NFATC3: variants seen among roughly 807,000 people sequenced by gnomAD.
NFATC3 encodes the protein nuclear factor of activated T-cells, cytoplasmic 3.
NFATC3 carries 46 observed loss-of-function variants against 98.6 expected under a neutral mutation model. That is an observed-to-expected ratio of 0.47 (90% confidence interval 0.37 to 0.60). The LOEUF is 0.60. Among genes scored for constraint, NFATC3 ranks in the 20% least tolerant of loss-of-function variants. The pLI is 0.00. For missense variants in NFATC3, 1,256 were observed against 1,295.5 expected (o/e 0.97, Z 0.47); for synonymous variants, 512 against 472.2 (o/e 1.08, Z -1.09).
intron 3 of NFATC3, among the ~76,000 whole-genome samples, chr16:68,139,409 G>A (rs1219617251): frequency 6.6e-6 from 1 of 152,186 alleles, no homozygotes; most frequent in Non-Finnish European, 1.5e-5. Flanking sequence ...CTGATGAAGA[G>A]TATGTAGCAG....
intron 9 of NFATC3, among the ~76,000 whole-genome samples, chr16:68,195,525 C>A (rs2040627050): frequency 6.6e-6 from 1 of 151,772 alleles, no homozygotes; most frequent in Non-Finnish European, 1.5e-5. Flanking sequence ...AAAAAATGGA[C>A]AGGCTGGGCG....
At chr16:68,096,539 A>G (rs554866978) in intron 1 of NFATC3, among the ~76,000 whole-genome samples, 1 of 152,366 alleles carries the variant, frequency 6.6e-6, no homozygotes, top group Non-Finnish European at 1.5e-5. Flanking sequence ...GGTAATACAA[A>G]TTAAATATAA....
At chr16:68,140,581 C>T (rs890988398) in intron 3 of NFATC3, among the ~76,000 whole-genome samples, 25 of 151,836 alleles carry the variant, frequency 1.6e-4, no homozygotes, top group Non-Finnish European at 1.8e-4. Context: ...ACTGGATATC[C>T]GTAGGCAAGA....
At chr16:68,219,813 C>T (rs1174018702) in intron 9 of NFATC3, among the ~76,000 whole-genome samples, 1 of 152,098 alleles carries the variant, frequency 6.6e-6, no homozygotes, top group East Asian at 1.9e-4. Flanking sequence ...GTATCTACTC[C>T]CTTCAAAGAG....
intron 3 of NFATC3, among the ~76,000 whole-genome samples, chr16:68,139,023 GT>G (rs1485554463): frequency 4.6e-5 from 7 of 151,972 alleles, no homozygotes; most frequent in African/African-American, 1.7e-4. Flanking sequence ...TGCTCACTAC[GT>G]TATAGACAGT....
intron 9 of NFATC3, chr16:68,212,485 T>A (rs532542374): frequency 3.9e-5 from 6 of 152,096 alleles, no homozygotes; most frequent in Admixed American, 3.9e-4. Context: ...AGATGAGAGT[T>A]GTTGTTGTTG....
intron 9 of NFATC3, among the ~76,000 whole-genome samples, chr16:68,201,726 G>T (rs189754015): frequency 2.0e-5 from 3 of 150,712 alleles, no homozygotes; most frequent in Admixed American, 2.0e-4. Context: ...TTAGGTGGGT[G>T]GATCACCTGA....
rs1323067385 is a variant in NFATC3 at position 68,128,205 on chromosome 16, T to C, written c.1401+1595T>C. Among the ~76,000 whole-genome samples the C allele has an allele frequency of 2.0e-5, 3 of 152,154 alleles. No individual in the cohort carries two copies. The East Asian group carries it at 5.8e-4, about 29-fold the overall frequency. On this transcript the variant is annotated intron_variant, in intron 3 of 9. Coordinates refer to ENST00000346183, the MANE Select transcript of NFATC3 (RefSeq NM_173165.3). Reference sequence around the variant, plus strand: ...GAAAAACTAATTACACTGAAGTGATTTTCAACAAATAAAATCTACAAATTA... The same window carrying C: ...GAAAAACTAATTACACTGAAGTGATCTTCAACAAATAAAATCTACAAATTA...
intron 9 of NFATC3, among the ~76,000 whole-genome samples, chr16:68,201,985 G>GTT (rs2040942541): frequency 8.9e-6 from 1 of 112,714 alleles, no homozygotes; most frequent in Non-Finnish European, 1.8e-5. Flanking sequence ...AAAAAAAAAA[G>GTT]ATTATAGTAT....
rs1239654596 is a variant in NFATC3, at chr16:68,092,452, C to CAA, written c.103+6681_103+6682dup. Among the ~76,000 whole-genome samples the CAA allele has an allele frequency of 3.6e-4, 42 of 118,256 alleles. 1 individual carries two copies. Among genetic ancestry groups the CAA allele is most frequent in the African/African-American group, 1.2e-3 (40 of 32,208 alleles). 77.6% of individuals were successfully genotyped at this position (118,256 alleles called of 152,430 possible). ...TGGGGGACAGAGTAAAACTCTCTCT[C>CAA]AAAAAAAAAAAAAATAAATAAATAA... On this transcript the variant is annotated intron_variant, in intron 1 of 9. Coordinates refer to ENST00000346183, the MANE Select transcript of NFATC3 (RefSeq NM_173165.3).
chr16:68,097,221 G>A (rs1439104052), intron 1 of NFATC3, among the ~76,000 whole-genome samples: 2 of 152,234 alleles, frequency 1.3e-5, no homozygotes, highest in Non-Finnish European at 2.9e-5. Flanking sequence ...TTAATAAAAT[G>A]TGCTATTACA....
At chr16:68,117,352 A>G (rs769253303) in intron 1 of NFATC3, among the ~76,000 whole-genome samples, 1 of 152,166 alleles carries the variant, frequency 6.6e-6, no homozygotes, top group Non-Finnish European at 1.5e-5. Flanking sequence ...CAGATCATAT[A>G]TATCAAATGG....
chr16:68,183,987 C>T (rs967063292), intron 8 of NFATC3, among the ~76,000 whole-genome samples: 5 of 123,226 alleles, frequency 4.1e-5, no homozygotes, highest in African/African-American at 9.6e-5. Flanking sequence ...GCCTGGGAAA[C>T]GAGCGAAACT....
chr16:68,116,264 AG>A (rs1182700790), intron 1 of NFATC3, among the ~76,000 whole-genome samples: 1 of 151,962 alleles, frequency 6.6e-6, no homozygotes, highest in Non-Finnish European at 1.5e-5. Context: ...TATTATCTGT[AG>A]GCTTTCTATA....
intron 9 of NFATC3, among the ~76,000 whole-genome samples, chr16:68,224,115 A>G (rs1453519406): frequency 1.5e-5 from 2 of 137,490 alleles, no homozygotes; most frequent in Non-Finnish European, 3.1e-5. Context: ...ACACGGTGGC[A>G]TGCACCAGTT....
At chr16:68,101,847 A>G (rs763120477) in intron 1 of NFATC3, among the ~76,000 whole-genome samples, 1 of 151,850 alleles carries the variant, frequency 6.6e-6, no homozygotes, top group Non-Finnish European at 1.5e-5. Flanking sequence ...TGTCAATTTT[A>G]TTTTCTTGGA....
At chr16:68,168,382 C>T (rs376642978) in intron 5 of NFATC3, among the ~76,000 whole-genome samples, 5 of 151,084 alleles carry the variant, frequency 3.3e-5, no homozygotes, top group Non-Finnish European at 7.4e-5. Context: ...ATGCTGGTCT[C>T]GAAATTCTGA....
At chr16:68,112,237 C>T (rs899669694) in intron 1 of NFATC3, among the ~76,000 whole-genome samples, 2 of 139,960 alleles carry the variant, frequency 1.4e-5, no homozygotes, top group Non-Finnish European at 3.1e-5. Context: ...ATCTCCCCGT[C>T]TCTTTCAGGT....
intron 3 of NFATC3, among the ~76,000 whole-genome samples, chr16:68,139,574 A>G (rs1452786430): frequency 6.6e-6 from 1 of 152,216 alleles, no homozygotes; most frequent in East Asian, 1.9e-4. Flanking sequence ...TCTGCAAAGG[A>G]GAATTTCAAA....
Sources: gnomAD v4.1 joint callset for allele counts (sites outside exome capture counted in the v4.1 genomes callset) on GRCh38, gnomAD v4.1.1 for gene constraint, MANE v1.5 for transcripts, NCBI Gene and HGNC (gene_info 2026-07-23, HGNC 2026-07-21) for gene names.